The following ERC1 variants were observed in gnomAD, a reference collection of about 807,000 sequenced individuals.
ERC1 encodes the protein ELKS/RAB6-interacting/CAST family member 1.
In ERC1, 56 loss-of-function variants were observed where a neutral mutation model predicts 132.0. That is an observed-to-expected ratio of 0.42 (90% CI 0.34 to 0.53). The LOEUF is 0.53. ERC1 is among the 20% of genes least tolerant of loss of function. The pLI is 0.03. For synonymous variants in ERC1, 478 were observed against 476.1 expected, an observed-to-expected ratio of 1.00 and a Z score of -0.05; for missense variants, 1,202 against 1,349.9, an observed-to-expected ratio of 0.89 and a Z score of 1.72.
At chr12:1,220,969 A>G (rs545385517) in intron 12 of ERC1, among the ~76,000 whole-genome samples, 3 of 152,314 alleles carry the variant, frequency 2.0e-5, no homozygotes, top group South Asian at 2.1e-4. Context: ...TTGCCTTTGC[A>G]GTGGAGCCTT....
intron 17 of ERC1, among the ~76,000 whole-genome samples, chr12:1,417,584 C>A (rs1460143883): frequency 6.6e-6 from 1 of 152,050 alleles, no homozygotes; most frequent in Non-Finnish European, 1.5e-5. Context: ...AGTTTGAGAG[C>A]AGCGTGGCCA....
intron 12 of ERC1, among the ~76,000 whole-genome samples, chr12:1,226,029 A>G (rs2074548213): frequency 6.6e-6 from 1 of 152,220 alleles, no homozygotes; most frequent in African/African-American, 2.4e-5. Context: ...TTGATATCAG[A>G]TTGTTAAAAT....
chr12:1,405,993 A>G (rs2091465204), intron 16 of ERC1, among the ~76,000 whole-genome samples: 1 of 152,232 alleles, frequency 6.6e-6, no homozygotes, highest in Non-Finnish European at 1.5e-5. Context: ...TAATTTTTTA[A>G]AACAGTATTT....
chr12:1,046,826 C>T (rs1454907215), intron 2 of ERC1, among the ~76,000 whole-genome samples: 1 of 152,212 alleles, frequency 6.6e-6, no homozygotes, highest in Non-Finnish European at 1.5e-5. Flanking sequence ...AGGCAGCCTT[C>T]TGCCTAGATG....
chr12:1,144,643 T>C (rs1950178073), intron 8 of ERC1, among the ~76,000 whole-genome samples: 2 of 149,748 alleles, frequency 1.3e-5, no homozygotes. Context: ...TACGTGTATA[T>C]ATATACGTAT....
intron 14 of ERC1, among the ~76,000 whole-genome samples, chr12:1,271,648 A>G (rs1330400463): frequency 6.6e-6 from 1 of 152,132 alleles, no homozygotes; most frequent in Non-Finnish European, 1.5e-5. Flanking sequence ...ATGGCCTCGA[A>G]CTCCTGGGCT....
intron 12 of ERC1, among the ~76,000 whole-genome samples, chr12:1,226,468 C>T (rs142377434): frequency 4.5e-4 from 69 of 152,186 alleles, no homozygotes; most frequent in African/African-American, 7.2e-4. Flanking sequence ...ATTTCAAGTG[C>T]GCCGAACAGT....
intron 3 of ERC1, 92 bp from the exon 4 acceptor site, chr12:1,104,658 T>C: frequency 1.2e-6 from 1 of 857,318 alleles, no homozygotes; most frequent in Non-Finnish European, 2.0e-6. Context: ...AAGGCTGTAG[T>C]GATCTTTTGC....
In ERC1 at chr12:1,110,216, C is replaced by T. The variant is rs769006018; in HGVS notation, c.1186C>T (p.Arg396Cys). 3.1e-6 allele frequency: 5 copies of T among 1,612,552 alleles called. No homozygotes were observed. The highest frequency in any genetic ancestry group is 4.2e-6 in the Non-Finnish European group (5 of 1,179,398). Residue 396 changes from arginine (R) to cysteine (C), a missense_variant, in exon 5 of 19, where the codon CGT becomes TGT. Physicochemically the swap from Arg to Cys is radical, Grantham distance 180 (BLOSUM62 -3). Coordinates refer to ENST00000360905, the MANE Select transcript of ERC1 (RefSeq NM_178040.4). Reference protein sequence around the residue: ...MKDSKISSMERGLRDLEEEIQ... With the variant: ...MKDSKISSMECGLRDLEEEIQ... ...GGATTCAAAAATTTCCTCTATGGAG[C>T]GTGGGCTTCGAGACCTGGAAGAGGA...
chr12:1,317,407 CAG>C (rs1467450510), intron 15 of ERC1, among the ~76,000 whole-genome samples: 1 of 151,976 alleles, frequency 6.6e-6, no homozygotes, highest in Non-Finnish European at 1.5e-5. Context: ...GTCGGGGGAT[CAG>C]GGGCTAGGAA....
intron 2 of ERC1, among the ~76,000 whole-genome samples, chr12:1,056,368 CAA>C (rs1972964660): frequency 6.6e-6 from 1 of 151,422 alleles, no homozygotes; most frequent in Admixed American, 6.6e-5. Context: ...CGCAGACACA[CAA>C]AGAGTGAGGT....
chr12:1,212,880 T>G (rs1251553920), intron 12 of ERC1, among the ~76,000 whole-genome samples: 1 of 152,188 alleles, frequency 6.6e-6, no homozygotes, highest in Non-Finnish European at 1.5e-5. Flanking sequence ...TTCTCAAAAT[T>G]GTATCCTCAG....
At position 1,096,430 on chromosome 12, in the gene ERC1, G is replaced by A. The variant is rs866962323; in HGVS notation, c.1087-8320G>A. On this transcript the variant is annotated intron_variant, in intron 3 of 18. Coordinates refer to ENST00000360905, the MANE Select transcript of ERC1 (RefSeq NM_178040.4). ...TTATAAAATTTTGTTAATAAATGAA[G>A]ATTGTTTACAGTTAGCAGAGTTCAT... 1.1e-4 allele frequency among the ~76,000 whole-genome samples: 17 copies of A among 152,156 alleles called. 1 individual carries two copies. The highest frequency in any genetic ancestry group is 3.8e-4 in the East Asian group (2 of 5,198).
In ERC1 at chr12:1,037,128, G is replaced by A. The variant is rs1316100933; in HGVS notation, c.669+8556G>A. Among the ~76,000 whole-genome samples, 7 of 152,158 alleles carry A rather than the reference G, an allele frequency of 4.6e-5. No individual in the cohort carries two copies. In the South Asian group the frequency reaches 6.2e-4, roughly 14 times the overall value. On this transcript the variant is annotated intron_variant, in intron 2 of 18. Transcript: ENST00000360905. The stretch of plus-strand genomic sequence containing the variant: ...GTAGTGAAGTATGAAAAATAATTAA[G>A]CAGAGCTAATAAAAATGTTGCACAA...
chr12:1,117,271 G>A (rs995720875), intron 7 of ERC1, among the ~76,000 whole-genome samples: 2 of 152,094 alleles, frequency 1.3e-5, no homozygotes, highest in African/African-American at 4.8e-5. Flanking sequence ...AGTCTTAGAA[G>A]ACAAGAATCT....
rs4766143 is a variant in ERC1 at position 1,136,052 on chromosome 12, C to T, written c.1570-5568C>T. Among the ~76,000 whole-genome samples the T allele has an allele frequency of 1.8e-4, 27 of 152,266 alleles. 1 individual carries two copies. In the East Asian group the frequency reaches 4.4e-3, roughly 25 times the overall value. ...CAAAAATAAGGTTCTTATTCTCTCT[C>T]GAAGCTAAAACCCATTTAGTCTTCT... is the stretch of plus-strand genomic sequence containing the variant. On this transcript the variant is annotated intron_variant, in intron 7 of 18. Transcript: ENST00000360905.
At chr12:1,144,787 T>C (rs936787025) in intron 8 of ERC1, among the ~76,000 whole-genome samples, 1 of 151,936 alleles carries the variant, frequency 6.6e-6, no homozygotes, top group Admixed American at 6.6e-5. Context: ...GTATAATGCC[T>C]TCCTTTCCTC....
chr12:1,290,468 T>C (rs74057103), intron 15 of ERC1, among the ~76,000 whole-genome samples: 4,405 of 152,318 alleles, frequency 0.029, 220 homozygotes, highest in African/African-American at 0.1. Flanking sequence ...TTTGCCACAC[T>C]GGAAGCCAAT....
intron 17 of ERC1, among the ~76,000 whole-genome samples, chr12:1,424,862 ATC>A (rs2092577339): frequency 1.0e-5 from 1 of 97,332 alleles, no homozygotes; most frequent in African/African-American, 4.6e-5. Flanking sequence ...AGATAGATAG[ATC>A]GATAGATAGA....
Sources: gnomAD v4.1 joint callset for allele counts (sites outside exome capture counted in the v4.1 genomes callset) on GRCh38, gnomAD v4.1.1 for gene constraint, MANE v1.5 for transcripts, NCBI Gene and HGNC (gene_info 2026-07-23, HGNC 2026-07-21) for gene names.